SOAT1: variants seen among roughly 807,000 people sequenced by gnomAD.
The protein encoded by SOAT1 is sterol O-acyltransferase 1.
A neutral mutation model predicts 69.5 loss-of-function variants in SOAT1; 55 were observed. The observed-to-expected ratio is 0.79, with a 90% confidence interval of 0.64 to 0.99. The LOEUF is 0.99. Ranked by LOEUF, SOAT1 falls within the 50% of genes least tolerant of loss-of-function variation. The pLI, the probability that SOAT1 is intolerant of heterozygous loss-of-function variation, is 0.00. For missense variants in SOAT1, 580 were observed against 669.3 expected, an observed-to-expected ratio of 0.87 and a Z score of 1.47; for synonymous variants, 231 against 224.7, an observed-to-expected ratio of 1.03 and a Z score of -0.25.
At chr1:179,308,363 T>C (rs1665092904) in intron 2 of SOAT1, among the ~76,000 whole-genome samples, 1 of 152,036 alleles carries the variant, frequency 6.6e-6, no homozygotes, top group Admixed American at 6.6e-5. Context: ...CCAAAGTTAC[T>C]CTAGTTGAGT....
At position 179,323,593 on chromosome 1, in the gene SOAT1, AG is replaced by A; in HGVS notation, c.177+99del. On this transcript the variant is annotated intron_variant, in intron 3 of 15. Coordinates refer to ENST00000367619, the MANE Select transcript of SOAT1 (RefSeq NM_003101.6). ...GCTAAATTGCTCAGATAATTATTTA[AG>A]CCATTCATCAGTTGCTGTTATCCTG... The A allele has an allele frequency of 4.1e-6, 4 of 981,566 alleles. No homozygotes were observed. In the South Asian group the frequency reaches 5.8e-5, roughly 14 times the overall value. The allele number at this position is 981,566 out of a possible 1,614,324, so 60.8% of individuals were successfully genotyped here.
chr1:179,312,293 G>C (rs1017244245), intron 2 of SOAT1, among the ~76,000 whole-genome samples: 1 of 152,114 alleles, frequency 6.6e-6, no homozygotes, highest in Non-Finnish European at 1.5e-5. Context: ...TTCTGGAGTC[G>C]GCGTGTGGCA....
intron 2 of SOAT1, among the ~76,000 whole-genome samples, chr1:179,321,569 G>A (rs1189375241): frequency 1.3e-5 from 2 of 152,166 alleles, no homozygotes; most frequent in Non-Finnish European, 2.9e-5. Flanking sequence ...AGAAGTCTTT[G>A]TTGTGGAACT....
chr1:179,322,988 C>G (rs151147617), intron 2 of SOAT1, among the ~76,000 whole-genome samples: 79 of 151,324 alleles, frequency 5.2e-4, no homozygotes, highest in African/African-American at 1.8e-3. Context: ...TGTCGAGAAT[C>G]CTTACGTTTC....
chr1:179,309,568 T>C (rs2124945018), intron 2 of SOAT1, among the ~76,000 whole-genome samples: 1 of 152,320 alleles, frequency 6.6e-6, no homozygotes, highest in East Asian at 1.9e-4. Flanking sequence ...AAAAACAGTA[T>C]ACATATAGCA....
At chr1:179,344,847 A>T in intron 10 of SOAT1, 100 bp from the exon 11 acceptor site, 1 of 1,086,486 alleles carries the variant, frequency 9.2e-7, no homozygotes, top group Non-Finnish European at 1.4e-6. Context: ...TGCGAACATT[A>T]CTGTAAGGGT....
At chr1:179,302,892 T>C (rs1664882485) in intron 2 of SOAT1, 90 bp downstream of exon 2, 1 of 668,110 alleles carries the variant, frequency 1.5e-6, no homozygotes, top group Non-Finnish European at 2.5e-6. Flanking sequence ...TCTTTAATTC[T>C]TTATTGTAAA....
intron 2 of SOAT1, among the ~76,000 whole-genome samples, chr1:179,314,117 T>G (rs919687638): frequency 5.3e-5 from 8 of 152,174 alleles, no homozygotes; most frequent in African/African-American, 1.9e-4. Flanking sequence ...ACCATAATTT[T>G]TCTTTATTAT....
In SOAT1 at chr1:179,353,597, G is replaced by A. The variant is rs1009402363; in HGVS notation, c.1609G>A (p.Asp537Asn). 5 of 1,613,454 alleles carry A rather than the reference G, an allele frequency of 3.1e-6. No individual in the cohort carries two copies. In the African/African-American group the frequency reaches 6.7e-5, roughly 22 times the overall value. ...TTCCCCACTGCAGCCCACATTTTTG[G>A]ATTATGTCCGGCCACGTTCCTGGAC... Reference protein sequence around the residue: ...HCPLKNPTFLDYVRPRSWTCR... With the variant: ...HCPLKNPTFLNYVRPRSWTCR... The change falls in exon 16 of 16, where the codon GAT becomes AAT. Residue 537 changes from aspartate to asparagine, a missense_variant. Coordinates refer to ENST00000367619, the MANE Select transcript of SOAT1 (RefSeq NM_003101.6).
At chr1:179,327,221 A>G (rs575029187) in intron 3 of SOAT1, among the ~76,000 whole-genome samples, 3 of 152,160 alleles carry the variant, frequency 2.0e-5, no homozygotes, top group Admixed American at 6.5e-5. Flanking sequence ...CAGAGCCATG[A>G]ACTTGGCTTG....
chr1:179,326,005 A>G (rs1005541562), intron 3 of SOAT1, among the ~76,000 whole-genome samples: 1 of 152,204 alleles, frequency 6.6e-6, no homozygotes, highest in South Asian at 2.1e-4. Context: ...TGCAGGTGAC[A>G]TAAGGGTTGC....
Position 179,342,880 on chromosome 1 carries a change from C to CAG in SOAT1, c.879_880dup (p.Val294GlufsTer26), listed in dbSNP as rs1439055687. On this transcript the variant is annotated frameshift_variant, in exon 9 of 16. Coordinates refer to ENST00000367619, the MANE Select transcript of SOAT1 (RefSeq NM_003101.6). LOFTEE classifies it high-confidence loss of function. Reference sequence around the variant, plus strand: ...TTTCTAGGCACTGTTCCAATACCTACAGTCAACCAGTATTTGTACTTCTTA... The same window carrying CAG: ...TTTCTAGGCACTGTTCCAATACCTACAGAGTCAACCAGTATTTGTACTTCTTA... 7 of 1,613,268 alleles carry CAG rather than the reference C, an allele frequency of 4.3e-6. No homozygotes were observed. The highest frequency in any genetic ancestry group is 5.9e-6 in the Non-Finnish European group (7 of 1,179,416).
chr1:179,328,573 G>A (rs536028049), intron 3 of SOAT1, among the ~76,000 whole-genome samples: 9 of 152,266 alleles, frequency 5.9e-5, no homozygotes, highest in African/African-American at 2.2e-4. Flanking sequence ...CCTGTCCTTG[G>A]CTCTGAGAAT....
In SOAT1 at chr1:179,346,020, G is replaced by A. The variant is rs544930405; in HGVS notation, c.1117+944G>A. Among the ~76,000 whole-genome samples, 3 of 152,278 alleles carry A rather than the reference G, an allele frequency of 2.0e-5. No individual in the cohort carries two copies. The East Asian group carries it at 5.8e-4, about 29-fold the overall frequency. On this transcript the variant is annotated intron_variant, in intron 11 of 15. Transcript: ENST00000367619. The stretch of plus-strand genomic sequence containing the variant: ...GATGTATTATCTTTACAGTCTGGGA[G>A]CTTTTATAGTTTCCCTTACTTTTCC...
intron 2 of SOAT1, among the ~76,000 whole-genome samples, chr1:179,309,928 T>A (rs181280544): frequency 6.6e-6 from 1 of 152,278 alleles, no homozygotes; most frequent in Non-Finnish European, 1.5e-5. Flanking sequence ...GGAGTCTCGC[T>A]CTGTTGCCCA....
intron 2 of SOAT1, among the ~76,000 whole-genome samples, chr1:179,307,537 C>G (rs1212961630): frequency 1.3e-5 from 2 of 151,334 alleles, no homozygotes; most frequent in Non-Finnish European, 1.5e-5. Context: ...TGGAATCCAG[C>G]CTGGGCAACA....
intron 2 of SOAT1, among the ~76,000 whole-genome samples, chr1:179,308,868 C>T (rs1264885878): frequency 6.6e-6 from 1 of 151,974 alleles, no homozygotes; most frequent in Non-Finnish European, 1.5e-5. Context: ...TTTGTTTCTT[C>T]TATACTTTGT....
intron 3 of SOAT1, among the ~76,000 whole-genome samples, chr1:179,324,882 A>G (rs1237316574): frequency 2.0e-5 from 3 of 152,136 alleles, no homozygotes; most frequent in Non-Finnish European, 2.9e-5. Flanking sequence ...GGCTCACTGC[A>G]ACCTCCGCCT....
chr1:179,303,090 C>T (rs920336128), intron 2 of SOAT1, among the ~76,000 whole-genome samples: 28 of 152,126 alleles, frequency 1.8e-4, no homozygotes, highest in African/African-American at 5.8e-4. Context: ...GTGATCAGTA[C>T]GGATTTGTTT....
Sources: allele counts gnomAD v4.1 joint callset (sites outside exome capture counted in the v4.1 genomes callset), GRCh38; gene constraint gnomAD v4.1.1; transcripts MANE v1.5; gene names NCBI Gene and HGNC (gene_info 2026-07-23, HGNC 2026-07-21).